The following THSD7B variants were observed in gnomAD, a reference collection of about 807,000 sequenced individuals.
THSD7B encodes thrombospondin type-1 domain-containing protein 7B.
A neutral mutation model predicts 213.6 loss-of-function variants in THSD7B; 138 were observed. The observed-to-expected ratio is 0.65, with a 90% CI of 0.56 to 0.74. The LOEUF is 0.74. THSD7B is among the 30% of genes least tolerant of loss of function. The pLI is 0.00. For synonymous variants in THSD7B, 742 were observed against 687.0 expected (o/e 1.08, Z -1.25); for missense variants, 1,931 against 1,991.5 (o/e 0.97, Z 0.58).
intron 2 of THSD7B, among the ~76,000 whole-genome samples, chr2:136,992,725 G>T (rs1685811178): frequency 6.6e-6 from 1 of 152,056 alleles, no homozygotes. Flanking sequence ...TGGAACTTCT[G>T]GCTTGCCACA....
chr2:137,440,919 A>G (rs1687395256), intron 14 of THSD7B, among the ~76,000 whole-genome samples: 1 of 152,054 alleles, frequency 6.6e-6, no homozygotes, highest in Non-Finnish European at 1.5e-5. Flanking sequence ...AAATCTATCT[A>G]CTCATAAACT....
At chr2:136,911,117 T>A (rs1684250934) in intron 2 of THSD7B, among the ~76,000 whole-genome samples, 1 of 152,206 alleles carries the variant, frequency 6.6e-6, no homozygotes, top group South Asian at 2.1e-4. Context: ...TTGGGAAATA[T>A]TAATTTTGGT....
At chr2:137,243,574 G>A (rs1329740105) in intron 10 of THSD7B, among the ~76,000 whole-genome samples, 1 of 151,994 alleles carries the variant, frequency 6.6e-6, no homozygotes, top group African/African-American at 2.4e-5. Flanking sequence ...CCTGTCAGAG[G>A]TTTGCTTTCC....
Position 137,262,173 on chromosome 2 carries a change from T to G in THSD7B, c.2267-10360T>G, listed in dbSNP as rs907470412. 3.3e-5 allele frequency among the ~76,000 whole-genome samples: 5 copies of G among 152,080 alleles called. 1 individual carries two copies. Among genetic ancestry groups the G allele is most frequent in the Admixed American group, 6.6e-5 (1 of 15,262 alleles). On this transcript the variant is annotated intron_variant, in intron 10 of 27. Coordinates refer to ENST00000409968, the MANE Select transcript of THSD7B (RefSeq NM_001316349.2). ...TTAAGGACATAAAGCATTTATAGAG[T>G]AGGGCAACATGAATTGTTTTAAAGC...
At chr2:137,676,214 T>C (rs919081608) in intron 27 of THSD7B, among the ~76,000 whole-genome samples, 1 of 152,186 alleles carries the variant, frequency 6.6e-6, no homozygotes, top group Non-Finnish European at 1.5e-5. Flanking sequence ...AAGGTCACAA[T>C]AGCTTAAAAA....
rs184397364 is a variant in THSD7B, at chr2:137,263,981, C to T, written c.2267-8552C>T. Among the ~76,000 whole-genome samples the T allele has an allele frequency of 4.6e-5, 7 of 152,256 alleles. No homozygotes were observed. In the East Asian group the frequency reaches 7.7e-4, roughly 17 times the overall value. ...TCTGATCTCTTATAGAGATCTTTTA[C>T]GTTATTATCCATCTGTCAAGTTTCA... On this transcript the variant is annotated intron_variant, in intron 10 of 27. Coordinates refer to ENST00000409968, the MANE Select transcript of THSD7B (RefSeq NM_001316349.2).
At chr2:136,960,663 C>T (rs575843710) in intron 2 of THSD7B, among the ~76,000 whole-genome samples, 1 of 152,266 alleles carries the variant, frequency 6.6e-6, no homozygotes, top group African/African-American at 2.4e-5. Flanking sequence ...CCTTCCCTAT[C>T]CAACAAGATT....
intron 2 of THSD7B, among the ~76,000 whole-genome samples, chr2:136,983,415 A>T (rs1685621526): frequency 1.2e-5 from 1 of 81,156 alleles, no homozygotes; most frequent in South Asian, 3.9e-4. Context: ...TTAGGAAGCA[A>T]ATGGCCAAAG....
intron 1 of THSD7B, among the ~76,000 whole-genome samples, chr2:136,777,286 C>T (rs1458104054): frequency 3.3e-5 from 5 of 152,078 alleles, no homozygotes; most frequent in Admixed American, 2.0e-4. Flanking sequence ...TACATGAGAG[C>T]CCAAAACTTT....
chr2:137,524,502 A>AT (rs891980973), intron 15 of THSD7B, among the ~76,000 whole-genome samples: 25 of 151,904 alleles, frequency 1.6e-4, no homozygotes, highest in African/African-American at 4.6e-4. Context: ...AAATATCTGC[A>AT]TTTTTTTTAT....
intron 15 of THSD7B, among the ~76,000 whole-genome samples, chr2:137,482,947 G>A (rs1269843971): frequency 1.3e-5 from 2 of 152,172 alleles, no homozygotes; most frequent in Non-Finnish European, 2.9e-5. Flanking sequence ...AACATTTCAA[G>A]GTACTCTGAC....
At chr2:137,006,944 TAA>T (rs1191477317) in intron 2 of THSD7B, among the ~76,000 whole-genome samples, 1 of 152,144 alleles carries the variant, frequency 6.6e-6, no homozygotes, top group Non-Finnish European at 1.5e-5. Context: ...ATAAAAAATT[TAA>T]AGAGAATTTT....
At chr2:136,943,062 G>T (rs1459517242) in intron 2 of THSD7B, among the ~76,000 whole-genome samples, 1 of 152,164 alleles carries the variant, frequency 6.6e-6, no homozygotes, top group Non-Finnish European at 1.5e-5. Flanking sequence ...TAGCATGAAA[G>T]GCTGTTGAAT....
chr2:137,213,484 G>A (rs1681167689), intron 7 of THSD7B, among the ~76,000 whole-genome samples: 1 of 147,954 alleles, frequency 6.8e-6, no homozygotes, highest in Admixed American at 6.8e-5. Flanking sequence ...TAGGTCATAT[G>A]TTATATGTAT....
chr2:137,522,678 T>C (rs981091676), intron 15 of THSD7B, among the ~76,000 whole-genome samples: 1 of 152,240 alleles, frequency 6.6e-6, no homozygotes, highest in African/African-American at 2.4e-5. Flanking sequence ...TTGTCATAAA[T>C]CCAGCTCCAT....
chr2:136,853,382 T>C (rs939950385), intron 1 of THSD7B, among the ~76,000 whole-genome samples: 1 of 152,082 alleles, frequency 6.6e-6, no homozygotes, highest in African/African-American at 2.4e-5. Context: ...CAGGCCTTTA[T>C]TTTGTAGGAT....
chr2:136,818,845 G>A (rs922461735), intron 1 of THSD7B, among the ~76,000 whole-genome samples: 30 of 151,730 alleles, frequency 2.0e-4, no homozygotes, highest in African/African-American at 7.0e-4. Context: ...TGGATTTGGT[G>A]GCTTATAACT....
chr2:137,326,962 ATCTC>A (rs1236170524), intron 12 of THSD7B, among the ~76,000 whole-genome samples: 2 of 152,064 alleles, frequency 1.3e-5, no homozygotes, highest in East Asian at 3.9e-4. Context: ...AATGAGCAAA[ATCTC>A]TCTGTGGTCA....
rs535565152 is a variant in THSD7B, at chr2:137,285,389, A to G, written c.2500+9363A>G. Among the ~76,000 whole-genome samples, 6 of 152,206 alleles carry G rather than the reference A, an allele frequency of 3.9e-5. No individual in the cohort carries two copies. The East Asian group carries it at 1.2e-3, about 29-fold the overall frequency. ...TCTGTGTCTTTTAATTGGAGCATGTAGCCCATTAGCATTTAAGGTTAGTAT... is the reference window on the plus strand; with the variant it reads ...TCTGTGTCTTTTAATTGGAGCATGTGGCCCATTAGCATTTAAGGTTAGTAT... On this transcript the variant is annotated intron_variant, in intron 12 of 27. Coordinates refer to ENST00000409968, the MANE Select transcript of THSD7B (RefSeq NM_001316349.2).
Sources: gnomAD v4.1 joint callset for allele counts (sites outside exome capture counted in the v4.1 genomes callset) on GRCh38, gnomAD v4.1.1 for gene constraint, MANE v1.5 for transcripts, NCBI Gene and HGNC (gene_info 2026-07-23, HGNC 2026-07-21) for gene names.